The following WWOX variants were observed in gnomAD, a reference collection of about 807,000 sequenced individuals.
WWOX encodes WW domain-containing oxidoreductase.
WWOX carries 69 observed loss-of-function variants against 46.2 expected under a neutral mutation model. The ratio of observed to expected loss-of-function variants is 1.49; its 90% CI spans 1.23 to 1.82. WWOX has a LOEUF of 1.82. Ranked by LOEUF, WWOX falls within the 40% of genes most tolerant of loss-of-function variation. The pLI, the probability that WWOX is intolerant of heterozygous loss-of-function variation, is 0.00. For missense variants in WWOX, 919 were observed against 542.6 expected (o/e 1.69, Z -6.89); for synonymous variants, 359 against 202.6 (o/e 1.77, Z -6.56).
At chr16:78,447,302 A>T (rs1567578918) in intron 8 of WWOX, among the ~76,000 whole-genome samples, 1 of 151,436 alleles carries the variant, frequency 6.6e-6, no homozygotes, top group Non-Finnish European at 1.5e-5. Context: ...ACTGTAATAA[A>T]TTTTTTCTTA....
intron 8 of WWOX, among the ~76,000 whole-genome samples, chr16:79,064,871 C>T (rs1249358785): frequency 6.6e-6 from 1 of 152,164 alleles, no homozygotes; most frequent in Non-Finnish European, 1.5e-5. Flanking sequence ...GGAAGAGAGA[C>T]AAGAATGTGC....
At chr16:78,848,398 A>G (rs1451817625) in intron 8 of WWOX, among the ~76,000 whole-genome samples, 1 of 152,228 alleles carries the variant, frequency 6.6e-6, no homozygotes, top group Non-Finnish European at 1.5e-5. Context: ...CTTTTGGACT[A>G]GACCAGCACC....
At chr16:78,923,862 C>T (rs372888015) in intron 8 of WWOX, among the ~76,000 whole-genome samples, 41 of 140,054 alleles carry the variant, frequency 2.9e-4, no homozygotes, top group Middle Eastern at 4.0e-3. Context: ...TGCAGTGGCG[C>T]GATCTCGGTT....
chr16:78,819,661 C>G (rs952181550), intron 8 of WWOX, among the ~76,000 whole-genome samples: 3 of 152,238 alleles, frequency 2.0e-5, no homozygotes, highest in Non-Finnish European at 4.4e-5. Context: ...GCTAACACCA[C>G]CACCTTGCCC....
chr16:78,278,559 C>T (rs529254281), intron 5 of WWOX: 3 of 1,572,574 alleles, frequency 1.9e-6, no homozygotes, highest in East Asian at 2.3e-5. Context: ...ATGTTGTTCT[C>T]ATAACTTAAT....
chr16:78,511,723 A>T (rs2085366087), intron 8 of WWOX, among the ~76,000 whole-genome samples: 1 of 152,168 alleles, frequency 6.6e-6, no homozygotes, highest in South Asian at 2.1e-4. Context: ...ATAGTCTGGG[A>T]GAGGCATGAA....
chr16:78,200,306 C>T (rs2036191761), intron 5 of WWOX, among the ~76,000 whole-genome samples: 1 of 151,454 alleles, frequency 6.6e-6, no homozygotes, highest in Admixed American at 6.6e-5. Flanking sequence ...AATTCCTTTC[C>T]CCCTGCTGAC....
At chr16:78,656,452 C>A (rs1125675) in intron 8 of WWOX, among the ~76,000 whole-genome samples, 2 of 151,998 alleles carry the variant, frequency 1.3e-5, no homozygotes, top group Non-Finnish European at 2.9e-5. Context: ...TTAGGGAGGC[C>A]TAAGGAAACT....
intron 8 of WWOX, among the ~76,000 whole-genome samples, chr16:78,538,506 C>T (rs947892017): frequency 2.6e-5 from 4 of 152,146 alleles, no homozygotes; most frequent in Admixed American, 6.5e-5. Flanking sequence ...GTGCCTTTGT[C>T]TGTAGCCTGC....
rs553698080 is a variant in WWOX, at chr16:78,575,253, A to G, written c.1056+142501A>G. 8.0e-4 allele frequency among the ~76,000 whole-genome samples: 119 copies of G among 148,638 alleles called. 1 individual carries two copies. Among genetic ancestry groups the G allele is most frequent in the Non-Finnish European group, 1.0e-3 (67 of 67,134 alleles). The stretch of plus-strand genomic sequence containing the variant: ...GGAGGTGAGGGCCAGACAACACATC[A>G]AAACTGACTTTTTATTTTTTTTCAA... On this transcript the variant is annotated intron_variant, in intron 8 of 8. Coordinates refer to ENST00000566780, the MANE Select transcript of WWOX (RefSeq NM_016373.4).
chr16:78,908,311 G>T (rs2045019164), intron 8 of WWOX, among the ~76,000 whole-genome samples: 1 of 152,098 alleles, frequency 6.6e-6, no homozygotes, highest in South Asian at 2.1e-4. Flanking sequence ...AGGCCAAGGA[G>T]GGTGGTTCAA....
intron 5 of WWOX, among the ~76,000 whole-genome samples, chr16:78,284,243 A>G (rs1597443643): frequency 6.6e-6 from 1 of 152,128 alleles, no homozygotes; most frequent in South Asian, 2.1e-4. Flanking sequence ...ACTTCCGTCT[A>G]CTTTTTGCAG....
chr16:78,416,058 A>C (rs569227536), intron 6 of WWOX, among the ~76,000 whole-genome samples: 4 of 152,296 alleles, frequency 2.6e-5, no homozygotes, highest in Non-Finnish European at 5.9e-5. Flanking sequence ...CAAGGAGGAC[A>C]ACCTTTTCTG....
chr16:78,270,583 T>C (rs2079457625), intron 5 of WWOX: 1 of 152,202 alleles, frequency 6.6e-6, no homozygotes, highest in Non-Finnish European at 1.5e-5. Flanking sequence ...TGCTGTTTGC[T>C]CTGCCATGAG....
chr16:78,707,758 C>T (rs527698653), intron 8 of WWOX, among the ~76,000 whole-genome samples: 1 of 151,790 alleles, frequency 6.6e-6, no homozygotes, highest in Non-Finnish European at 1.5e-5. Flanking sequence ...TGGTGCACAC[C>T]TGTAGTCCCA....
chr16:78,129,708 T>C (rs2033512702), intron 4 of WWOX, among the ~76,000 whole-genome samples: 1 of 151,926 alleles, frequency 6.6e-6, no homozygotes, highest in Non-Finnish European at 1.5e-5. Flanking sequence ...GGATTTTTTT[T>C]CTTTTTTTTT....
chr16:78,823,530 A>G (rs2051562835), intron 8 of WWOX, among the ~76,000 whole-genome samples: 1 of 152,224 alleles, frequency 6.6e-6, no homozygotes, highest in Non-Finnish European at 1.5e-5. Context: ...GTGTAATCGC[A>G]TATAGCATTC....
rs142157244 is a variant in WWOX, at chr16:78,111,198, G to A, written c.230+1363G>A. 3.0e-4 allele frequency among the ~76,000 whole-genome samples: 45 copies of A among 152,192 alleles called. No homozygotes were observed. In the East Asian group the frequency reaches 7.7e-3, roughly 26 times the overall value. On this transcript the variant is annotated intron_variant, in intron 3 of 8. Coordinates refer to ENST00000566780, the MANE Select transcript of WWOX (RefSeq NM_016373.4). ...ATTTCTACTTTCATTTTATGTGGGC[G>A]AAAGAGTACCTAGGTGCCGAGGCAA...
rs141150170 is a variant in WWOX, at chr16:78,571,852, C to G, written c.1056+139100C>G. On this transcript the variant is annotated intron_variant, in intron 8 of 8. Coordinates refer to ENST00000566780, the MANE Select transcript of WWOX (RefSeq NM_016373.4). ...CTATACTCTAGCCTGGGCAACAGAG[C>G]TAGATTCCATCTCAAAAAAAGGCAT... 1.4e-3 allele frequency among the ~76,000 whole-genome samples: 218 copies of G among 152,152 alleles called. 1 individual carries two copies. The highest frequency in any genetic ancestry group is 5.0e-3 in the African/African-American group (209 of 41,510).
Sources: allele counts gnomAD v4.1 joint callset (sites outside exome capture counted in the v4.1 genomes callset), GRCh38; gene constraint gnomAD v4.1.1; transcripts MANE v1.5; gene names NCBI Gene and HGNC (gene_info 2026-07-23, HGNC 2026-07-21).